Variants in MAL observed in about 807,000 individuals in gnomAD.
The protein encoded by MAL is myelin and lymphocyte protein.
A neutral mutation model predicts 16.7 loss-of-function variants in MAL; 5 were observed. The ratio of observed to expected loss-of-function variants is 0.30; its 90% CI spans 0.16 to 0.63. The LOEUF (loss-of-function observed/expected upper bound fraction) is 0.63. Ranked by LOEUF, MAL falls within the 30% of genes least tolerant of loss-of-function variation. The pLI is 0.82. For missense variants in MAL, 202 were observed against 195.8 expected (o/e 1.03, Z -0.19); for synonymous variants, 96 against 85.5 (o/e 1.12, Z -0.67).
At chr2:95,036,806 T>A (rs1391807333) in intron 1 of MAL, among the ~76,000 whole-genome samples, 1 of 151,712 alleles carries the variant, frequency 6.6e-6, no homozygotes, top group Non-Finnish European at 1.5e-5. Context: ...ACTGAGTGTG[T>A]GAGTGAGTGA....
At chr2:95,035,038 T>C (rs1215222845) in intron 1 of MAL, among the ~76,000 whole-genome samples, 1 of 152,136 alleles carries the variant, frequency 6.6e-6, no homozygotes, top group Non-Finnish European at 1.5e-5. Flanking sequence ...TGATGAATCA[T>C]AAGATGAGTC....
At chr2:95,038,190 T>G (rs62648028) in intron 1 of MAL, among the ~76,000 whole-genome samples, 90,559 of 118,896 alleles carry the variant, frequency 0.76, 33,810 homozygotes, top group African/African-American at 0.84. Flanking sequence ...CTGTGTGAGT[T>G]ACTGAGTGAG....
chr2:95,034,989 G>A (rs1186207393), intron 1 of MAL, among the ~76,000 whole-genome samples: 6 of 152,202 alleles, frequency 3.9e-5, no homozygotes, highest in Non-Finnish European at 8.8e-5. Flanking sequence ...AGCATCGGTA[G>A]GGAAGGGGCT....
At chr2:95,049,548 C>T in intron 2 of MAL, 33 bp from the exon 3 acceptor site, 1 of 1,612,968 alleles carries the variant, frequency 6.2e-7, no homozygotes, top group Non-Finnish European at 8.5e-7. Flanking sequence ...GTCTCTCTCT[C>T]CCCATCCCTC....
chr2:95,043,034 T>C (rs531524535), intron 1 of MAL, among the ~76,000 whole-genome samples: 1 of 152,348 alleles, frequency 6.6e-6, no homozygotes, highest in Admixed American at 6.5e-5. Flanking sequence ...GAGCCCCACC[T>C]TCTGCTACTC....
intron 3 of MAL, among the ~76,000 whole-genome samples, chr2:95,052,120 C>G (rs1674733364): frequency 6.6e-6 from 1 of 152,198 alleles, no homozygotes; most frequent in African/African-American, 2.4e-5. Flanking sequence ...GTGGAAGTCG[C>G]CTGGGGCGAG....
chr2:95,026,685 C>G (rs1558654684), intron 1 of MAL: 1 of 152,198 alleles, frequency 6.6e-6, no homozygotes, highest in Non-Finnish European at 1.5e-5. Flanking sequence ...GTCGCGAAGC[C>G]GAAGTGACCT....
At chr2:95,044,816 G>C (rs1674546694) in intron 1 of MAL, among the ~76,000 whole-genome samples, 1 of 152,236 alleles carries the variant, frequency 6.6e-6, no homozygotes, top group Non-Finnish European at 1.5e-5. Flanking sequence ...TGTGGCTGCA[G>C]CCAGCAAGGT....
intron 3 of MAL, 108 bp from the exon 4 acceptor site, chr2:95,053,273 C>T (rs1674757471): frequency 1.3e-6 from 1 of 773,010 alleles, no homozygotes. Flanking sequence ...ACAGCCCAAG[C>T]TCTCTGGGTC....
chr2:95,038,432 GTGAC>G (rs1161038319), intron 1 of MAL, among the ~76,000 whole-genome samples: 1 of 151,462 alleles, frequency 6.6e-6, no homozygotes, highest in East Asian at 1.9e-4. Flanking sequence ...GAGTGACTGA[GTGAC>G]TGAGTGAGTG....
chr2:95,046,038 C>T (rs968734543), intron 1 of MAL, among the ~76,000 whole-genome samples: 6 of 152,206 alleles, frequency 3.9e-5, no homozygotes, highest in Non-Finnish European at 8.8e-5. Context: ...ACATCTGATT[C>T]CTTAGGGACA....
intron 1 of MAL, among the ~76,000 whole-genome samples, chr2:95,039,701 TGACTGAGTGAG>T (rs1558659575): frequency 8.5e-5 from 12 of 140,764 alleles, no homozygotes; most frequent in South Asian, 2.4e-4. Flanking sequence ...AGTGACTGAG[TGACTGAGTGAG>T]GACTGAGTGA....
intron 3 of MAL, among the ~76,000 whole-genome samples, chr2:95,052,494 G>A (rs1478505528): frequency 3.3e-5 from 5 of 152,232 alleles, no homozygotes; most frequent in African/African-American, 1.2e-4. Flanking sequence ...GCCAGGTGTA[G>A]GGGCAGGAGA....
At chr2:95,031,930 T>C (rs1674092802) in intron 1 of MAL, among the ~76,000 whole-genome samples, 1 of 152,250 alleles carries the variant, frequency 6.6e-6, no homozygotes, top group Non-Finnish European at 1.5e-5. Flanking sequence ...TGGTGAGGAC[T>C]CAGTAACTTT....
At chr2:95,028,137 T>C (rs1380297002) in intron 1 of MAL, among the ~76,000 whole-genome samples, 1 of 129,092 alleles carries the variant, frequency 7.7e-6, no homozygotes, top group African/African-American at 3.0e-5. Flanking sequence ...TGAAACCCCA[T>C]CTCTACTAAA....
chr2:95,032,915 C>T (rs184630057), intron 1 of MAL, among the ~76,000 whole-genome samples: 20 of 152,298 alleles, frequency 1.3e-4, no homozygotes, highest in Admixed American at 5.2e-4. Context: ...TTAATGTACC[C>T]GGGCCCTGGG....
chr2:95,028,963 G>C (rs1674015720), intron 1 of MAL, among the ~76,000 whole-genome samples: 1 of 152,206 alleles, frequency 6.6e-6, no homozygotes, highest in Non-Finnish European at 1.5e-5. Context: ...TTTGGAATTA[G>C]ATTGAGTTGG....
chr2:95,039,986 T>C (rs1401223055), intron 1 of MAL, among the ~76,000 whole-genome samples: 1 of 152,146 alleles, frequency 6.6e-6, no homozygotes, highest in Non-Finnish European at 1.5e-5. Context: ...GGTCTTCCCC[T>C]GACCTCCTGC....
intron 1 of MAL, among the ~76,000 whole-genome samples, chr2:95,027,252 A>AGGT (rs1673965558): frequency 1.3e-5 from 2 of 152,116 alleles, no homozygotes; most frequent in African/African-American, 4.8e-5. Context: ...TCTGCGGGAA[A>AGGT]GGTGACCGGA....
Sources: allele counts gnomAD v4.1 joint callset (sites outside exome capture counted in the v4.1 genomes callset), GRCh38; gene constraint gnomAD v4.1.1; transcripts MANE v1.5; gene names NCBI Gene and HGNC (gene_info 2026-07-23, HGNC 2026-07-21).